Variants in SLC6A12 observed in about 807,000 individuals in gnomAD.
SLC6A12 encodes the protein solute carrier family 6 member 12, also known as sodium- and chloride-dependent betaine transporter.
A neutral mutation model predicts 73.3 loss-of-function variants in SLC6A12; 50 were observed. The observed-to-expected ratio is 0.68, with a 90% confidence interval of 0.54 to 0.86. The LOEUF (loss-of-function observed/expected upper bound fraction) is 0.86. SLC6A12 is among the 40% of genes least tolerant of loss of function. The probability of loss-of-function intolerance (pLI) is 0.00; values close to 1 mark genes in which losing one functional copy is unlikely to be tolerated. For synonymous variants in SLC6A12, 304 were observed against 309.2 expected (o/e 0.98, Z 0.18); for missense variants, 648 against 772.8 (o/e 0.84, Z 1.92).
At chr12:184,642 C>T in the SLC6A12 span, among the ~76,000 whole-genome samples, 4 of 152,096 alleles carry the variant, frequency 2.6e-5, no homozygotes, top group East Asian at 3.9e-4. Flanking sequence ...CCCAGCTACT[C>T]GGGAGGCTGA....
Position 209,924 on chromosome 12 carries a change from C to T in SLC6A12, c.63G>A (p.Glu21=), listed in dbSNP as rs200140778. The change falls in exon 3 of 16, where the codon GAG becomes GAA. Residue 21 remains glutamate (E), a synonymous_variant. Transcript: ENST00000684302. ...GPPAVSWVPE[E]GEKLDQEDED... ...CGTCTTCCTGGTCCAACTTCTCTCC[C>T]TCCTCGGGGACCCAGGAGACTGCAG... 2 of 1,614,212 alleles carry T rather than the reference C, an allele frequency of 1.2e-6. No homozygotes were observed. The highest frequency in any genetic ancestry group is 2.7e-5 in the African/African-American group (2 of 75,064).
At chr12:205,929 G>A (rs1329618413) in intron 3 of SLC6A12, among the ~76,000 whole-genome samples, 3 of 152,060 alleles carry the variant, frequency 2.0e-5, no homozygotes, top group South Asian at 4.1e-4. Context: ...TGGACTTTTG[G>A]TCATTTCATC....
chr12:198,543 G>C lies in SLC6A12; in HGVS notation c.846+254C>G. 1 of 367,760 alleles carries C rather than the reference G, an allele frequency of 2.7e-6. No individual in the cohort carries two copies. Among genetic ancestry groups the C allele is most frequent in the Non-Finnish European group, 4.9e-6 (1 of 203,022 alleles). The allele number at this position is 367,760 out of a possible 1,614,324, so 22.8% of individuals were successfully genotyped here. A position where few individuals can be genotyped will look rare whatever the true frequency, so the allele number is the denominator to read the frequency against. On this transcript the variant is annotated intron_variant, in intron 8 of 15. Transcript: ENST00000684302. This position sits in a 1 kb window ranked among gnomAD's most constrained non-coding sequence, Gnocchi z 4.0. The stretch of plus-strand genomic sequence containing the variant: ...GGCACCACTGCACTCCAGCCTGGGG[G>C]ACAGAGCCAGACCCTGCCTGTCTCT...
At position 192,586 on chromosome 12, in the gene SLC6A12, G is replaced by A; in HGVS notation, c.1593C>T (p.Tyr531=). 2 of 1,614,112 alleles carry A rather than the reference G, an allele frequency of 1.2e-6. No homozygotes were observed. The highest frequency in any genetic ancestry group is 1.7e-6 in the Non-Finnish European group (2 of 1,180,000). ...AGCCAATGGAGTATCCCCAGGGCGGGTACACATAGACGTTGTTGTACTTGA... is the reference window on the plus strand; with the variant it reads ...AGCCAATGGAGTATCCCCAGGGCGGATACACATAGACGTTGTTGTACTTGA... ...TPLKYNNVYV[Y]PPWGYSIGWF... Residue 531 remains tyrosine (Y), a synonymous_variant, in exon 15 of 16, where the codon TAC becomes TAT. Transcript: ENST00000684302.
At chr12:191,390 G>A (rs1418728347) in intron 15 of SLC6A12, among the ~76,000 whole-genome samples, 179 bp from the exon 16 acceptor site, 1 of 152,188 alleles carries the variant, frequency 6.6e-6, no homozygotes, top group African/African-American at 2.4e-5. Context: ...CCGTGACTAC[G>A]AATGAGTGTG....
At chr12:200,179 G>A (rs555414466) in intron 7 of SLC6A12, among the ~76,000 whole-genome samples, 5 of 147,000 alleles carry the variant, frequency 3.4e-5, no homozygotes, top group Non-Finnish European at 4.4e-5. Context: ...CGCTATCTCG[G>A]CTCACTGCAA....
chr12:188,078 C>T (rs1470731447), downstream of SLC6A12, among the ~76,000 whole-genome samples: 1 of 152,226 alleles, frequency 6.6e-6, no homozygotes, highest in Middle Eastern at 3.2e-3. Context: ...TCACTGGGGC[C>T]ACAGGTGGAG....
intron 13 of SLC6A12, 106 bp from the exon 14 acceptor site, chr12:193,483 C>T: frequency 1.3e-6 from 1 of 775,876 alleles, no homozygotes; most frequent in Non-Finnish European, 2.2e-6. Context: ...CACCCCCGCC[C>T]TGTGCAGGGA....
intron 2 of SLC6A12, among the ~76,000 whole-genome samples, chr12:211,754 T>C (rs499368): frequency 0.013 from 1,948 of 152,086 alleles, 26 homozygotes; most frequent in African/African-American, 0.034. Context: ...AAAACACGCA[T>C]GAAAATGCAC....
rs749931281 is a variant in SLC6A12, at chr12:192,600, T to C, written c.1579A>G (p.Asn527Asp). ...LSKYTPLKYN[N>D]VYVYPPWGYS... ...CCCCAGGGCGGGTACACATAGACGTTGTTGTACTTGAGGGGGGTGTACTTG... is the reference window on the plus strand; with the variant it reads ...CCCCAGGGCGGGTACACATAGACGTCGTTGTACTTGAGGGGGGTGTACTTG... The change falls in exon 15 of 16, where the codon AAC becomes GAC. Residue 527 changes from asparagine to aspartate, a missense_variant. Transcript: ENST00000684302. The C allele has an allele frequency of 6.2e-7, 1 of 1,614,000 alleles. No homozygotes were observed. Among genetic ancestry groups the C allele is most frequent in the South Asian group, 1.1e-5 (1 of 91,060 alleles).
downstream of SLC6A12, among the ~76,000 whole-genome samples, chr12:185,692 G>A (rs914328758): frequency 2.0e-5 from 3 of 152,188 alleles, no homozygotes; most frequent in Non-Finnish European, 4.4e-5. Context: ...CTCGCCTCCC[G>A]TTACTTCCCA....
downstream of SLC6A12, among the ~76,000 whole-genome samples, chr12:187,632 C>T (rs563195): frequency 1.0e-5 from 1 of 96,380 alleles, no homozygotes; most frequent in Non-Finnish European, 2.0e-5. Context: ...AAAAAAAAAA[C>T]AAACCACACA....
chr12:187,589 CAAAAAAAAAAAAAAAAAAAAAAAA>C (rs761187495), downstream of SLC6A12, among the ~76,000 whole-genome samples: 9,116 of 106,048 alleles, frequency 0.086, 646 homozygotes, highest in East Asian at 0.14. Context: ...TGCAAAAGAG[CAAAAAAAAAAAAAAAAAAAAAAAA>C]AAAAAAAAAA....
At chr12:186,492 C>T (rs974674702), downstream of SLC6A12, among the ~76,000 whole-genome samples, 2 of 152,234 alleles carry the variant, frequency 1.3e-5, no homozygotes, top group Admixed American at 1.3e-4. Context: ...CTTGGCTGGG[C>T]ATTTCTGGCT....
Position 200,783 on chromosome 12 carries a change from C to T in SLC6A12, c.579G>A (p.Glu193=), listed in dbSNP as rs1479991572. The change falls in exon 7 of 16, where the codon GAG becomes GAA. Residue 193 remains glutamate (E), a splice_region_variant and synonymous_variant. Coordinates refer to ENST00000684302, the MANE Select transcript of SLC6A12 (RefSeq NM_001122848.3). ...NFTSPVMEFW[E]RRVLGITSGI... ...CCGAGGTGATGCCCAGAACTCGTCT[C>T]CTGGAGGATTGGGAAAAATAAGTAA... is the stretch of plus-strand genomic sequence containing the variant. The T allele has an allele frequency of 1.8e-5, 29 of 1,613,080 alleles. No individual in the cohort carries two copies. The highest frequency in any genetic ancestry group is 2.3e-5 in the Non-Finnish European group (27 of 1,179,720).
chr12:195,213 C>A lies in SLC6A12; in HGVS notation c.1429+12G>T. ...CCCACCCTGCTTTCCCACCCCACTC[C>A]ACCCCACTCACCATACACCCAGCTT... On this transcript the variant is annotated intron_variant, in intron 13 of 15. Transcript: ENST00000684302. 6.4e-7 allele frequency: 1 copy of A among 1,558,318 alleles called. No individual in the cohort carries two copies. Among genetic ancestry groups the A allele is most frequent in the Non-Finnish European group, 8.9e-7 (1 of 1,129,456 alleles).
In SLC6A12 at chr12:195,169, C is replaced by G. The variant is rs1939802880; in HGVS notation, c.1429+56G>C. ...TCCCCCAGGCAAAGCCTGCCCCTGG[C>G]TGGCTAGACGGTCTTTCTCCCACCC... is the stretch of plus-strand genomic sequence containing the variant. On this transcript the variant is annotated intron_variant, in intron 13 of 15. Coordinates refer to ENST00000684302, the MANE Select transcript of SLC6A12 (RefSeq NM_001122848.3). 5 of 1,148,450 alleles carry G rather than the reference C, an allele frequency of 4.4e-6. No homozygotes were observed. The East Asian group carries it at 1.2e-4, about 27-fold the overall frequency. The allele number at this position is 1,148,450 out of a possible 1,614,324, so 71.1% of individuals were successfully genotyped here.
intron 10 of SLC6A12, 91 bp from the exon 11 acceptor site, chr12:196,973 C>T: frequency 1.3e-6 from 1 of 773,634 alleles, no homozygotes; most frequent in Non-Finnish European, 2.2e-6. Flanking sequence ...TGTGTGTGTA[C>T]CTGTGCACAC....
chr12:186,196 ACT>A (rs1939426094), downstream of SLC6A12, among the ~76,000 whole-genome samples: 1 of 151,760 alleles, frequency 6.6e-6, no homozygotes, highest in Non-Finnish European at 1.5e-5. Flanking sequence ...AAAGAGGGTG[ACT>A]CTCGCGCTCT....
Sources: gnomAD v4.1 joint callset for allele counts (sites outside exome capture counted in the v4.1 genomes callset) on GRCh38, gnomAD v4.1.1 for gene constraint, Gnocchi (gnomAD v3.1) non-coding constraint, MANE v1.5 for transcripts, NCBI Gene and HGNC (gene_info 2026-07-23, HGNC 2026-07-21) for gene names.